Variants in VPS50 observed in about 807,000 individuals in gnomAD.
VPS50 encodes VPS50 subunit of EARP/GARPII complex.
A neutral mutation model predicts 139.7 loss-of-function variants in VPS50; 70 were observed. The observed-to-expected ratio is 0.50, with a 90% CI of 0.41 to 0.61. The LOEUF (loss-of-function observed/expected upper bound fraction) is 0.61, where lower values mean the gene tolerates loss of function less well. VPS50 is among the 20% of genes least tolerant of loss of function. VPS50 has a pLI of 0.00. For synonymous variants in VPS50, 365 were observed against 376.7 expected (o/e 0.97, Z 0.36); for missense variants, 921 against 1,133.7 (o/e 0.81, Z 2.69).
intron 23 of VPS50, among the ~76,000 whole-genome samples, chr7:93,344,107 T>G (rs577961356): frequency 1.8e-4 from 27 of 152,150 alleles, no homozygotes; most frequent in Admixed American, 5.2e-4. Context: ...GAGACACACA[T>G]AGGCTCAAAA....
At chr7:93,329,583 A>G (rs1016176283) in intron 21 of VPS50, among the ~76,000 whole-genome samples, 3 of 152,102 alleles carry the variant, frequency 2.0e-5, no homozygotes, top group African/African-American at 7.2e-5. Flanking sequence ...TGCTAAATGA[A>G]CAGCAAGAAG....
intron 14 of VPS50, among the ~76,000 whole-genome samples, chr7:93,296,202 G>A (rs1796805030): frequency 1.3e-5 from 2 of 151,884 alleles, no homozygotes; most frequent in African/African-American, 4.8e-5. Context: ...ATTTATTTTT[G>A]TGGTTGTAAG....
intron 26 of VPS50, among the ~76,000 whole-genome samples, chr7:93,355,298 A>T (rs1798674719): frequency 6.6e-6 from 1 of 152,092 alleles, no homozygotes; most frequent in Non-Finnish European, 1.5e-5. Context: ...GGGTTTGTAT[A>T]TTTGTCTTTA....
chr7:93,344,928 C>G (rs919898804), intron 23 of VPS50, among the ~76,000 whole-genome samples: 6 of 151,894 alleles, frequency 4.0e-5, no homozygotes, highest in African/African-American at 7.3e-5. Context: ...ACTAGAAAAG[C>G]AAGAGCAAAC....
At position 93,331,178 on chromosome 7, in the gene VPS50, C is replaced by T. The variant is rs562725517; in HGVS notation, c.1978-2939C>T. On this transcript the variant is annotated intron_variant, in intron 21 of 27. Coordinates refer to ENST00000305866, the MANE Select transcript of VPS50 (RefSeq NM_017667.4). ...AGAAAACTCAATATTGTAAAGGTGGCAGTCTTCCCCAAATCTATAGGTTCA... is the reference window on the plus strand; with the variant it reads ...AGAAAACTCAATATTGTAAAGGTGGTAGTCTTCCCCAAATCTATAGGTTCA... Among the ~76,000 whole-genome samples, 4 of 149,752 alleles carry T rather than the reference C, an allele frequency of 2.7e-5. No individual in the cohort carries two copies. The South Asian group carries it at 8.4e-4, about 31-fold the overall frequency.
rs186366442 is a variant in VPS50, at chr7:93,260,117, G to A, written c.659+485G>A. On this transcript the variant is annotated intron_variant, in intron 9 of 27. Coordinates refer to ENST00000305866, the MANE Select transcript of VPS50 (RefSeq NM_017667.4). ...TAATAATAATGTTTGTAATAGTTAA[G>A]TGATTATGTATTCAATGTGTTATGT... Among the ~76,000 whole-genome samples, 53 of 152,288 alleles carry A rather than the reference G, an allele frequency of 3.5e-4. No homozygotes were observed. In the East Asian group the frequency reaches 8.5e-3, roughly 24 times the overall value.
At chr7:93,296,393 G>T (rs954968857) in intron 14 of VPS50, among the ~76,000 whole-genome samples, 1 of 152,162 alleles carries the variant, frequency 6.6e-6, no homozygotes, top group African/African-American at 2.4e-5. Flanking sequence ...GATCAGATAT[G>T]ATTTGTTTCT....
At chr7:93,344,308 C>T (rs905732166) in intron 23 of VPS50, among the ~76,000 whole-genome samples, 11 of 152,168 alleles carry the variant, frequency 7.2e-5, no homozygotes, top group Non-Finnish European at 1.5e-4. Context: ...CACCCCAATA[C>T]AGGAGCACCC....
intron 15 of VPS50, 90 bp downstream of exon 15, chr7:93,296,926 T>C (rs1166895864): frequency 3.4e-6 from 5 of 1,453,242 alleles, no homozygotes; most frequent in East Asian, 2.5e-5. Context: ...ATAACTTCTT[T>C]ATGGAAATGA....
intron 16 of VPS50, among the ~76,000 whole-genome samples, chr7:93,298,879 G>A (rs1412689111): frequency 1.3e-5 from 2 of 152,130 alleles, no homozygotes; most frequent in Non-Finnish European, 1.5e-5. Context: ...TTGGGTTCTT[G>A]TCGCATTTTT....
intron 12 of VPS50, among the ~76,000 whole-genome samples, chr7:93,281,459 A>G (rs1015582586): frequency 2.6e-5 from 4 of 152,120 alleles, no homozygotes; most frequent in African/African-American, 4.8e-5. Flanking sequence ...ATACTGTGAG[A>G]GTGTATTGAC....
intron 16 of VPS50, among the ~76,000 whole-genome samples, chr7:93,298,067 C>T (rs1469457626): frequency 2.0e-5 from 3 of 151,974 alleles, no homozygotes; most frequent in Non-Finnish European, 4.4e-5. Flanking sequence ...TGATATATGC[C>T]ATGTCAAAAG....
chr7:93,327,435 CATT>C (rs1797815428), intron 21 of VPS50, among the ~76,000 whole-genome samples: 1 of 152,134 alleles, frequency 6.6e-6, no homozygotes, highest in African/African-American at 2.4e-5. Context: ...TTTCCCAGCT[CATT>C]ATATACTGAC....
At chr7:93,282,165 C>G (rs967221896) in intron 12 of VPS50, among the ~76,000 whole-genome samples, 4 of 151,060 alleles carry the variant, frequency 2.6e-5, no homozygotes, top group African/African-American at 4.9e-5. Flanking sequence ...GATTGCGCCA[C>G]TGCACTCCAG....
intron 1 of VPS50, among the ~76,000 whole-genome samples, chr7:93,236,888 T>TA (rs1794816858): frequency 6.6e-6 from 1 of 150,488 alleles, no homozygotes; most frequent in Non-Finnish European, 1.5e-5. Flanking sequence ...ATGCTTGAGA[T>TA]ATATGAGACA....
At chr7:93,257,779 A>C in intron 6 of VPS50, 1 of 244,606 alleles carries the variant, frequency 4.1e-6, no homozygotes, top group Non-Finnish European at 7.7e-6. Flanking sequence ...ATTTTTTAAA[A>C]ATGCAGTAAA....
chr7:93,353,231 C>T (rs1048635146), intron 25 of VPS50, among the ~76,000 whole-genome samples: 16 of 152,116 alleles, frequency 1.1e-4, no homozygotes, highest in Non-Finnish European at 2.2e-4. Flanking sequence ...ATACAAATCA[C>T]AAATAGTTCT....
intron 14 of VPS50, among the ~76,000 whole-genome samples, chr7:93,295,236 G>A (rs998752243): frequency 6.6e-6 from 1 of 152,114 alleles, no homozygotes; most frequent in Non-Finnish European, 1.5e-5. Context: ...AGATCAGGGT[G>A]CCAGCATTGT....
At chr7:93,246,170 T>C in intron 2 of VPS50, 1 of 1,251,284 alleles carries the variant, frequency 8.0e-7, no homozygotes, top group South Asian at 1.3e-5. Flanking sequence ...CAGAATAGAT[T>C]TTTTATGTTG....
Sources: allele counts gnomAD v4.1 joint callset (sites outside exome capture counted in the v4.1 genomes callset), GRCh38; gene constraint gnomAD v4.1.1; transcripts MANE v1.5; gene names NCBI Gene and HGNC (gene_info 2026-07-23, HGNC 2026-07-21).